MGAT4C: variants seen among roughly 807,000 people sequenced by gnomAD.
The protein encoded by MGAT4C is MGAT4 family member C.
Under a neutral mutation model 40.1 loss-of-function variants are expected in MGAT4C, and 19 were observed. The ratio of observed to expected loss-of-function variants is 0.47; its 90% confidence interval spans 0.33 to 0.70. The LOEUF (loss-of-function observed/expected upper bound fraction) is 0.70. MGAT4C is among the 30% of genes least tolerant of loss of function. The pLI is 0.02. For missense variants in MGAT4C, 491 were observed against 563.2 expected (o/e 0.87, Z 1.30); for synonymous variants, 181 against 187.1 (o/e 0.97, Z 0.27).
intron 1 of MGAT4C, among the ~76,000 whole-genome samples, chr12:86,144,662 T>G (rs1204367480): frequency 6.6e-6 from 1 of 152,200 alleles, no homozygotes; most frequent in Non-Finnish European, 1.5e-5. Context: ...GTAACATATT[T>G]TCAGTACATA....
intron 4 of MGAT4C, among the ~76,000 whole-genome samples, chr12:86,304,598 T>A (rs1403501123): frequency 6.6e-6 from 1 of 150,760 alleles, no homozygotes; most frequent in African/African-American, 2.5e-5. Context: ...TCCTATTCTA[T>A]GAGTTTAATT....
At chr12:86,011,706 G>A (rs1888477194) in intron 2 of MGAT4C, 1 of 346,850 alleles carries the variant, frequency 2.9e-6, no homozygotes, top group Non-Finnish European at 4.1e-6. Flanking sequence ...GTAACTTAGG[G>A]TCCCAGTGTA....
At chr12:86,477,431 G>A (rs141182354) in intron 2 of MGAT4C, among the ~76,000 whole-genome samples, 42 of 151,906 alleles carry the variant, frequency 2.8e-4, no homozygotes, top group Admixed American at 5.9e-4. Flanking sequence ...AGAGAAAGGG[G>A]GAACAAGTGT....
intron 1 of MGAT4C, among the ~76,000 whole-genome samples, chr12:86,109,579 T>C (rs1262439256): frequency 6.6e-6 from 1 of 152,066 alleles, no homozygotes; most frequent in African/African-American, 2.4e-5. Context: ...TAATTATCAC[T>C]ATTATTCTGA....
At chr12:86,045,039 G>C (rs1041299651) in intron 2 of MGAT4C, among the ~76,000 whole-genome samples, 1 of 151,950 alleles carries the variant, frequency 6.6e-6, no homozygotes, top group Admixed American at 6.6e-5. Flanking sequence ...TGGTAGTCCC[G>C]TTCAGGGTTC....
At chr12:86,232,250 A>G (rs1951355109) in intron 1 of MGAT4C, among the ~76,000 whole-genome samples, 3 of 152,228 alleles carry the variant, frequency 2.0e-5, no homozygotes, top group African/African-American at 7.2e-5. Flanking sequence ...AAAAATTTTA[A>G]AGTTAAAAAT....
chr12:86,443,127 C>T (rs1957262733), intron 2 of MGAT4C, among the ~76,000 whole-genome samples: 1 of 151,992 alleles, frequency 6.6e-6, no homozygotes, highest in Admixed American at 6.6e-5. Flanking sequence ...TTGCAGGTGT[C>T]TGGAACCAAA....
chr12:86,781,522 T>A (rs1298985867), intron 1 of MGAT4C, among the ~76,000 whole-genome samples: 4 of 152,128 alleles, frequency 2.6e-5, no homozygotes, highest in African/African-American at 9.7e-5. Context: ...AATTGTGAAG[T>A]GCTATAAGAA....
At chr12:86,826,898 T>A (rs2730683) in intron 1 of MGAT4C, among the ~76,000 whole-genome samples, 146,589 of 151,022 alleles carry the variant, frequency 0.97, 71,261 homozygotes, top group Middle Eastern at 1. Context: ...AAAAATAAAA[T>A]TTTTTTTGTT....
At chr12:86,333,910 CAT>C (rs920659254) in intron 4 of MGAT4C, among the ~76,000 whole-genome samples, 5 of 152,124 alleles carry the variant, frequency 3.3e-5, no homozygotes, top group African/African-American at 1.2e-4. Flanking sequence ...GTAAAACAAA[CAT>C]ATCAATTCTC....
intron 2 of MGAT4C, among the ~76,000 whole-genome samples, chr12:86,493,691 A>G (rs1020314137): frequency 1.3e-5 from 2 of 151,990 alleles, no homozygotes; most frequent in African/African-American, 4.8e-5. Context: ...AGATATACCT[A>G]ATGCTATATG....
intron 1 of MGAT4C, among the ~76,000 whole-genome samples, chr12:86,126,484 A>G (rs1880286307): frequency 6.6e-6 from 1 of 152,136 alleles, no homozygotes; most frequent in Non-Finnish European, 1.5e-5. Flanking sequence ...CCAAGAATAA[A>G]CATATTTTCC....
intron 1 of MGAT4C, among the ~76,000 whole-genome samples, chr12:86,196,294 A>T (rs1325904682): frequency 6.6e-6 from 1 of 152,168 alleles, no homozygotes; most frequent in Non-Finnish European, 1.5e-5. Context: ...CTTAGATATT[A>T]AGGCTCACGC....
chr12:86,523,132 T>C (rs1363058728), intron 2 of MGAT4C, among the ~76,000 whole-genome samples: 2 of 152,000 alleles, frequency 1.3e-5, no homozygotes, highest in African/African-American at 4.8e-5. Flanking sequence ...TATTGTCTTC[T>C]AGTTTTGTGT....
At chr12:86,182,507 A>G (rs763915319) in intron 1 of MGAT4C, among the ~76,000 whole-genome samples, 2 of 151,902 alleles carry the variant, frequency 1.3e-5, no homozygotes, top group Non-Finnish European at 2.9e-5. Flanking sequence ...CTTGCCTGTT[A>G]TATCCCTATC....
intron 3 of MGAT4C, among the ~76,000 whole-genome samples, chr12:86,379,297 T>G (rs536107374): frequency 6.6e-6 from 1 of 152,182 alleles, no homozygotes; most frequent in South Asian, 2.1e-4. Context: ...CTCTCCCATG[T>G]GGACGAAAAT....
intron 4 of MGAT4C, among the ~76,000 whole-genome samples, chr12:86,269,206 T>C (rs1952881314): frequency 6.6e-6 from 1 of 150,938 alleles, no homozygotes; most frequent in South Asian, 2.1e-4. Flanking sequence ...TATAATTATA[T>C]CTATTTGGAA....
At chr12:86,112,312 C>T (rs1877577549) in intron 1 of MGAT4C, among the ~76,000 whole-genome samples, 1 of 151,224 alleles carries the variant, frequency 6.6e-6, no homozygotes, top group Admixed American at 6.6e-5. Flanking sequence ...TGGTTTACTT[C>T]CCCCCCACCC....
At chr12:86,773,498 A>G (rs1951675262) in intron 1 of MGAT4C, among the ~76,000 whole-genome samples, 1 of 152,168 alleles carries the variant, frequency 6.6e-6, no homozygotes, top group Admixed American at 6.6e-5. Context: ...GCAAACTAAT[A>G]TAGAAGGCAA....
Sources: allele counts gnomAD v4.1 joint callset (sites outside exome capture counted in the v4.1 genomes callset), GRCh38; gene constraint gnomAD v4.1.1; transcripts MANE v1.5; gene names NCBI Gene and HGNC (gene_info 2026-07-23, HGNC 2026-07-21).